Variants in NAPB observed in about 807,000 individuals in gnomAD.
NAPB encodes the protein beta-soluble NSF attachment protein.
NAPB carries 26 observed loss-of-function variants against 44.7 expected under a neutral mutation model. The ratio of observed to expected loss-of-function variants is 0.58; its 90% confidence interval spans 0.43 to 0.81. The LOEUF (loss-of-function observed/expected upper bound fraction) is 0.81. Among genes scored for constraint, NAPB ranks in the 30% least tolerant of loss-of-function variants. The probability of loss-of-function intolerance (pLI) is 0.00; values close to 1 mark genes in which losing one functional copy is unlikely to be tolerated. For missense variants in NAPB, 315 were observed against 356.4 expected (o/e 0.88, Z 0.94); for synonymous variants, 120 against 116.8 (o/e 1.03, Z -0.18).
chr20:23,399,307 G>A (rs951188731), intron 2 of NAPB, among the ~76,000 whole-genome samples: 2 of 152,064 alleles, frequency 1.3e-5, no homozygotes, highest in African/African-American at 4.8e-5. Flanking sequence ...TGGGGCCTTT[G>A]GGGGAGTGAT....
At chr20:23,412,495 T>C (rs1318691176) in intron 1 of NAPB, among the ~76,000 whole-genome samples, 6 of 152,340 alleles carry the variant, frequency 3.9e-5, no homozygotes, top group African/African-American at 1.2e-4. Flanking sequence ...ATAATATTAG[T>C]TGTGAAAATC....
rs774007532 is a variant in NAPB at position 23,403,097 on chromosome 20, T to C, written c.99-25A>G. On this transcript the variant is annotated intron_variant, in intron 1 of 10. Coordinates refer to ENST00000377026, the MANE Select transcript of NAPB (RefSeq NM_022080.3). ...TCTGAGAAAAAGTTAAAAATTAGAT[T>C]TTTAACAACCATCCACATCTCTAAT... The C allele has an allele frequency of 3.2e-6, 5 of 1,556,856 alleles. No homozygotes were observed. In the South Asian group the frequency reaches 5.6e-5, roughly 17 times the overall value.
At chr20:23,409,523 T>G (rs1017944744) in intron 1 of NAPB, among the ~76,000 whole-genome samples, 4 of 152,144 alleles carry the variant, frequency 2.6e-5, no homozygotes, top group Non-Finnish European at 5.9e-5. Flanking sequence ...TTTAAATACT[T>G]AAGAAAGATA....
At chr20:23,413,868 G>A in intron 1 of NAPB, among the ~76,000 whole-genome samples, 1 of 151,258 alleles carries the variant, frequency 6.6e-6, no homozygotes, top group Non-Finnish European at 1.5e-5. Flanking sequence ...GTTTCACTGT[G>A]GTATATTCTT....
intron 7 of NAPB, among the ~76,000 whole-genome samples, chr20:23,387,113 T>G (rs1300078861): frequency 1.3e-5 from 2 of 152,078 alleles, no homozygotes; most frequent in Admixed American, 1.3e-4. Context: ...GAAAAAAGTC[T>G]GACAAATAAA....
intron 1 of NAPB, among the ~76,000 whole-genome samples, chr20:23,410,885 A>G (rs904403157): frequency 6.6e-6 from 1 of 152,222 alleles, no homozygotes; most frequent in Non-Finnish European, 1.5e-5. Flanking sequence ...CATCATGGAA[A>G]TACACAAAAA....
At chr20:23,385,883 G>T (rs1033193114) in intron 7 of NAPB, among the ~76,000 whole-genome samples, 1 of 152,068 alleles carries the variant, frequency 6.6e-6, no homozygotes, top group Admixed American at 6.6e-5. Context: ...CCCAATAACA[G>T]CATAATCATA....
chr20:23,416,934 T>TCATA (rs1449975626), intron 1 of NAPB, among the ~76,000 whole-genome samples: 2 of 152,204 alleles, frequency 1.3e-5, no homozygotes, highest in African/African-American at 4.8e-5. Context: ...AATTATAGAT[T>TCATA]CATAATTATT....
chr20:23,405,655 C>T (rs1985198828), intron 1 of NAPB, among the ~76,000 whole-genome samples: 1 of 151,960 alleles, frequency 6.6e-6, no homozygotes, highest in East Asian at 1.9e-4. Context: ...ACCTGGGAGG[C>T]GGAGGATGCA....
chr20:23,403,454 T>G (rs1985001773), intron 1 of NAPB, among the ~76,000 whole-genome samples: 2 of 152,130 alleles, frequency 1.3e-5, no homozygotes, highest in South Asian at 4.2e-4. Flanking sequence ...AATACAAAAA[T>G]TAGCTGGGTG....
intron 1 of NAPB, among the ~76,000 whole-genome samples, chr20:23,404,746 C>T (rs952792754): frequency 2.0e-5 from 3 of 152,158 alleles, no homozygotes; most frequent in Admixed American, 2.0e-4. Context: ...CATTGTATGT[C>T]TCATGAGGAA....
In NAPB at chr20:23,417,114, C is replaced by T. The variant is rs576371742; in HGVS notation, c.98+4191G>A. ...TTTTTTTTTTTTTGAGACGGAGTCT[C>T]GCTCGGGGGCCCAGGCTGGAGTGCA... On this transcript the variant is annotated intron_variant, in intron 1 of 10. Coordinates refer to ENST00000377026, the MANE Select transcript of NAPB (RefSeq NM_022080.3). Among the ~76,000 whole-genome samples the T allele has an allele frequency of 4.3e-4, 61 of 142,416 alleles. 1 individual carries two copies. The South Asian group carries it at 8.5e-3, about 20-fold the overall frequency. 93.4% of individuals were successfully genotyped at this position (142,416 alleles called of 152,430 possible).
intron 2 of NAPB, among the ~76,000 whole-genome samples, chr20:23,397,611 A>C (rs1283358409): frequency 6.6e-6 from 1 of 152,234 alleles, no homozygotes; most frequent in African/African-American, 2.4e-5. Context: ...TGTCTCCTAC[A>C]CTTAGCTGTC....
intron 1 of NAPB, among the ~76,000 whole-genome samples, chr20:23,407,154 C>T (rs2123236274): frequency 6.6e-6 from 1 of 152,330 alleles, no homozygotes; most frequent in Admixed American, 6.5e-5. Context: ...GGTAGCCTCA[C>T]TTTAAAAACC....
At chr20:23,411,387 G>C (rs1985643441) in intron 1 of NAPB, among the ~76,000 whole-genome samples, 1 of 152,154 alleles carries the variant, frequency 6.6e-6, no homozygotes, top group African/African-American at 2.4e-5. Flanking sequence ...AACAACAGTG[G>C]AACAATGCTT....
chr20:23,420,396 T>C (rs1452399404), intron 1 of NAPB, among the ~76,000 whole-genome samples: 23 of 151,972 alleles, frequency 1.5e-4, no homozygotes, highest in Non-Finnish European at 5.9e-5. Flanking sequence ...CGTTCATTAG[T>C]CAAGTATTTA....
intron 1 of NAPB, among the ~76,000 whole-genome samples, chr20:23,405,803 A>G (rs1399039037): frequency 6.6e-6 from 1 of 152,246 alleles, no homozygotes; most frequent in Non-Finnish European, 1.5e-5. Flanking sequence ...TGGTATACAC[A>G]TACAATGGAA....
intron 7 of NAPB, among the ~76,000 whole-genome samples, chr20:23,386,809 T>A (rs1983564950): frequency 6.6e-6 from 1 of 152,244 alleles, no homozygotes. Context: ...GAGTTTAATC[T>A]GTACCCGTTT....
rs1380913504 is a variant in NAPB at position 23,385,927 on chromosome 20, TAAAAC to T, written c.561+4014_561+4018del. Among the ~76,000 whole-genome samples, 4 of 152,148 alleles carry T rather than the reference TAAAAC, an allele frequency of 2.6e-5. No homozygotes were observed. The East Asian group carries it at 5.8e-4, about 22-fold the overall frequency. On this transcript the variant is annotated intron_variant, in intron 7 of 10. Coordinates refer to ENST00000377026, the MANE Select transcript of NAPB (RefSeq NM_022080.3). ...GCCAAGATAGACCATATCTAGGCCA[TAAAAC>T]AAAACAAATTTATAAGAATTGAAAT...
Sources: gnomAD v4.1 joint callset for allele counts (sites outside exome capture counted in the v4.1 genomes callset) on GRCh38, gnomAD v4.1.1 for gene constraint, MANE v1.5 for transcripts, NCBI Gene and HGNC (gene_info 2026-07-23, HGNC 2026-07-21) for gene names.